SLC17A5: variants seen among roughly 807,000 people sequenced by gnomAD.
SLC17A5 encodes the protein sialin.
A neutral mutation model predicts 59.4 loss-of-function variants in SLC17A5; 47 were observed. The ratio of observed to expected loss-of-function variants is 0.79; its 90% CI spans 0.63 to 1.01. SLC17A5 has a LOEUF of 1.01. Among genes scored for constraint, SLC17A5 ranks in the 50% least tolerant of loss-of-function variants. The pLI is 0.00. For synonymous variants in SLC17A5, 202 were observed against 210.7 expected, an observed-to-expected ratio of 0.96 and a Z score of 0.36; for missense variants, 522 against 595.5, an observed-to-expected ratio of 0.88 and a Z score of 1.28.
chr6:73,651,361 T>A (rs1488752659), intron 1 of SLC17A5, among the ~76,000 whole-genome samples: 1 of 141,220 alleles, frequency 7.1e-6, no homozygotes, highest in Admixed American at 7.7e-5. Flanking sequence ...CTCGGGAGGC[T>A]GAGGCAGGAG....
intron 9 of SLC17A5, among the ~76,000 whole-genome samples, chr6:73,604,777 T>C (rs931004468): frequency 6.6e-6 from 1 of 152,088 alleles, no homozygotes; most frequent in Non-Finnish European, 1.5e-5. Flanking sequence ...ATTGATAACA[T>C]AAAATCTCTA....
At chr6:73,646,395 T>A (rs917718787) in intron 1 of SLC17A5, among the ~76,000 whole-genome samples, 13 of 152,240 alleles carry the variant, frequency 8.5e-5, no homozygotes, top group East Asian at 3.8e-4. Flanking sequence ...TGCTATTATT[T>A]TTTTTTCCCT....
In SLC17A5 at chr6:73,594,859, C is replaced by T. The variant is rs2150070867; in HGVS notation, c.*218G>A. The T allele has an allele frequency of 1.8e-6, 1 of 562,128 alleles. No individual in the cohort carries two copies. The allele number at this position is 562,128 out of a possible 1,614,324, so 34.8% of individuals were successfully genotyped here. A position where few individuals can be genotyped will look rare whatever the true frequency, so the allele number is the denominator to read the frequency against. On this transcript the variant is annotated 3_prime_UTR_variant, in exon 11 of 11. Coordinates refer to ENST00000355773, the MANE Select transcript of SLC17A5 (RefSeq NM_012434.5). ...CCCGACTAGCAGGCAGGTATGTGAA[C>T]CTAAAGTAGAAGTCCTAGCTTACAT... is the stretch of plus-strand genomic sequence containing the variant.
chr6:73,619,666 TACAG>T (rs1360061414), intron 7 of SLC17A5, among the ~76,000 whole-genome samples: 2 of 152,170 alleles, frequency 1.3e-5, no homozygotes, highest in African/African-American at 2.4e-5. Context: ...CTTTTTATTT[TACAG>T]AATGAAAGAA....
At chr6:73,607,354 C>T (rs192838297) in intron 9 of SLC17A5, among the ~76,000 whole-genome samples, 1 of 151,372 alleles carries the variant, frequency 6.6e-6, no homozygotes, top group Non-Finnish European at 1.5e-5. Flanking sequence ...CTGCAACCTC[C>T]ACCTCCCAGG....
At position 73,600,423 on chromosome 6, in the gene SLC17A5, CA is replaced by C; in HGVS notation, c.1277del (p.Leu426ArgfsTer22). On this transcript the variant is annotated frameshift_variant, in exon 10 of 11. Transcript: ENST00000355773. LOFTEE classifies it high-confidence loss of function. ...TAGTGGCAAATGTATTTGTGATGCC[CA>C]GGAGGATACCAGCATACCTGTAGAA... is the stretch of plus-strand genomic sequence containing the variant. ...DIAPSYAGIL[L>X]GITNTFATIP... is the part of the protein sequence containing the mutation. 6.2e-7 allele frequency: 1 copy of C among 1,613,754 alleles called. No homozygotes were observed. Among genetic ancestry groups the C allele is most frequent in the African/African-American group, 1.3e-5 (1 of 74,986 alleles).
rs1303660578 is a variant in SLC17A5, at chr6:73,638,483, G to C, written c.542C>G (p.Ala181Gly). The C allele has an allele frequency of 6.2e-7, 1 of 1,613,444 alleles. No individual in the cohort carries two copies. The highest frequency in any genetic ancestry group is 2.2e-5 in the East Asian group (1 of 44,888). Reference protein sequence around the residue: ...EGLGEGVTFPAMHAMWSSWAP... With the variant: ...EGLGEGVTFPGMHAMWSSWAP... ...CCAAGAAGACCACATGGCATGCATG[G>C]CTGGAAATGTAACACCCTGAGAGAA... Residue 181 changes from alanine (A) to glycine (G), a missense_variant, in exon 4 of 11, where the codon GCC becomes GGC. Ala to Gly is a moderately conservative substitution (Grantham distance 60, BLOSUM62 0). This residue lies in a region of SLC17A5 where 338 missense variants were observed against 363.8 expected (regional missense o/e 0.93). Transcript: ENST00000355773.
chr6:73,615,941 A>G (rs928053788), intron 7 of SLC17A5, among the ~76,000 whole-genome samples: 3 of 137,200 alleles, frequency 2.2e-5, no homozygotes, highest in Admixed American at 8.4e-5. Context: ...GCTGGAGTAC[A>G]GGGGTGTGAT....
intron 1 of SLC17A5, among the ~76,000 whole-genome samples, chr6:73,649,439 T>C (rs997749336): frequency 6.6e-6 from 1 of 152,124 alleles, no homozygotes; most frequent in Non-Finnish European, 1.5e-5. Context: ...ACCCCATCTC[T>C]ACAAAAAATT....
At chr6:73,639,802 T>C (rs1769192537) in intron 3 of SLC17A5, among the ~76,000 whole-genome samples, 1 of 152,172 alleles carries the variant, frequency 6.6e-6, no homozygotes, top group Non-Finnish European at 1.5e-5. Flanking sequence ...TCCCAGCACT[T>C]TGGGAGGCGG....
intron 6 of SLC17A5, among the ~76,000 whole-genome samples, chr6:73,626,931 C>G (rs1393409597): frequency 6.6e-6 from 1 of 152,006 alleles, no homozygotes; most frequent in Non-Finnish European, 1.5e-5. Context: ...ACTGTCATGC[C>G]TGGCTAATTT....
At chr6:73,598,366 C>A (rs1354744006) in intron 10 of SLC17A5, among the ~76,000 whole-genome samples, 1 of 152,374 alleles carries the variant, frequency 6.6e-6, no homozygotes, top group Non-Finnish European at 1.5e-5. Context: ...CGCGGTGGCT[C>A]ATGCCTGATA....
At chr6:73,612,306 C>A (rs1767670040) in intron 8 of SLC17A5, among the ~76,000 whole-genome samples, 1 of 152,028 alleles carries the variant, frequency 6.6e-6, no homozygotes. Context: ...GGGACAGCCA[C>A]ACACCACCAC....
At chr6:73,615,497 AAAAC>A in intron 7 of SLC17A5, 50 bp from the exon 8 acceptor site, 1 of 1,586,966 alleles carries the variant, frequency 6.3e-7, no homozygotes, top group Non-Finnish European at 8.6e-7. Flanking sequence ...AGAAAAAAAC[AAAAC>A]ATACACATTC....
intron 6 of SLC17A5, among the ~76,000 whole-genome samples, chr6:73,622,387 T>C (rs1165693061): frequency 6.6e-6 from 1 of 151,912 alleles, no homozygotes; most frequent in African/African-American, 2.4e-5. Flanking sequence ...CTGCAACCTC[T>C]GCCTCCTGAG....
At chr6:73,615,201 G>C in intron 8 of SLC17A5, 114 bp downstream of exon 8, 1 of 1,186,302 alleles carries the variant, frequency 8.4e-7, no homozygotes, top group Non-Finnish European at 1.2e-6. Context: ...TCTGTGTTGA[G>C]TATTGTGTTA....
At chr6:73,617,043 C>T (rs931343206) in intron 7 of SLC17A5, among the ~76,000 whole-genome samples, 1 of 151,928 alleles carries the variant, frequency 6.6e-6, no homozygotes, top group South Asian at 2.1e-4. Flanking sequence ...GTAATCCCAG[C>T]ACTTTGGGAG....
At chr6:73,632,457 T>C (rs894576280) in intron 6 of SLC17A5, among the ~76,000 whole-genome samples, 3 of 128,532 alleles carry the variant, frequency 2.3e-5, no homozygotes, top group Admixed American at 7.9e-5. Context: ...TTTTTTTTTT[T>C]TTTAAGACAG....
intron 1 of SLC17A5, among the ~76,000 whole-genome samples, chr6:73,649,278 A>G (rs906856112): frequency 1.3e-5 from 2 of 152,346 alleles, no homozygotes; most frequent in Admixed American, 1.3e-4. Flanking sequence ...GATTACAGGC[A>G]TAAGCCACCA....
Sources: allele counts gnomAD v4.1 joint callset (sites outside exome capture counted in the v4.1 genomes callset), GRCh38; gene constraint gnomAD v4.1.1; regional missense constraint gnomAD v4.1.1; transcripts MANE v1.5; gene names NCBI Gene and HGNC (gene_info 2026-07-23, HGNC 2026-07-21).